The following TSPAN18 variants were observed in gnomAD, a reference collection of about 807,000 sequenced individuals.
TSPAN18 encodes the protein tetraspanin 18.
Under a neutral mutation model 27.3 loss-of-function variants are expected in TSPAN18, and 14 were observed. That is an observed-to-expected ratio of 0.51 (90% CI 0.34 to 0.80). TSPAN18 has a LOEUF of 0.80. TSPAN18 is among the 30% of genes least tolerant of loss of function. The pLI, the probability that TSPAN18 is intolerant of heterozygous loss-of-function variation, is 0.01. For synonymous variants in TSPAN18, 143 were observed against 136.5 expected, an observed-to-expected ratio of 1.05 and a Z score of -0.33; for missense variants, 268 against 323.9, an observed-to-expected ratio of 0.83 and a Z score of 1.32.
At chr11:44,875,232 G>C (rs561945970) in intron 3 of TSPAN18, among the ~76,000 whole-genome samples, 2 of 152,368 alleles carry the variant, frequency 1.3e-5, no homozygotes, top group African/African-American at 4.8e-5. Context: ...TTTCCAGAGA[G>C]CTGGTGTCCC....
intron 2 of TSPAN18, among the ~76,000 whole-genome samples, chr11:44,821,045 T>C (rs912055025): frequency 9.2e-5 from 14 of 152,198 alleles, no homozygotes; most frequent in African/African-American, 3.1e-4. Context: ...GCAATACATA[T>C]GGACTAATAC....
chr11:44,886,695 C>G (rs1858666769), intron 3 of TSPAN18: 1 of 152,208 alleles, frequency 6.6e-6, no homozygotes, highest in South Asian at 2.1e-4. Context: ...TGGGGGTTGC[C>G]TTCCTTCCTA....
intron 2 of TSPAN18, among the ~76,000 whole-genome samples, chr11:44,821,941 T>C (rs1039567291): frequency 6.6e-6 from 1 of 152,082 alleles, no homozygotes; most frequent in South Asian, 2.1e-4. Flanking sequence ...TCGACTGTCG[T>C]GGAGGAAGGG....
At chr11:44,790,394 C>G (rs539958713) in intron 2 of TSPAN18, among the ~76,000 whole-genome samples, 5 of 129,364 alleles carry the variant, frequency 3.9e-5, no homozygotes, top group African/African-American at 1.5e-4. Context: ...TGTGCATGTG[C>G]TCTTGCTTGT....
At chr11:44,926,977 G>A (rs1254894048) in intron 9 of TSPAN18, among the ~76,000 whole-genome samples, 1 of 152,178 alleles carries the variant, frequency 6.6e-6, no homozygotes, top group Non-Finnish European at 1.5e-5. Flanking sequence ...TCCCAGAAAT[G>A]GGGATGGGCA....
At chr11:44,801,947 G>A (rs1022525435) in intron 2 of TSPAN18, among the ~76,000 whole-genome samples, 2 of 152,130 alleles carry the variant, frequency 1.3e-5, no homozygotes, top group African/African-American at 4.8e-5. Flanking sequence ...TGGGAGGATT[G>A]CTTGAGCCTG....
chr11:44,816,023 C>T (rs1856812295), intron 2 of TSPAN18, among the ~76,000 whole-genome samples: 1 of 152,238 alleles, frequency 6.6e-6, no homozygotes. Flanking sequence ...AATATAAAAA[C>T]CTGAGCTCTT....
At chr11:44,727,671 C>T (rs995039294) in intron 1 of TSPAN18, among the ~76,000 whole-genome samples, 17 of 152,126 alleles carry the variant, frequency 1.1e-4, no homozygotes, top group Non-Finnish European at 1.8e-4. Flanking sequence ...GGGCTGCTCG[C>T]CACGCCACCC....
intron 1 of TSPAN18, among the ~76,000 whole-genome samples, chr11:44,761,398 G>T (rs191400352): frequency 7.2e-5 from 11 of 152,346 alleles, no homozygotes; most frequent in African/African-American, 2.4e-4. Context: ...GCAGAGAGGA[G>T]GGGACTGCAA....
chr11:44,915,407 G>A (rs1859868858), intron 5 of TSPAN18, among the ~76,000 whole-genome samples: 1 of 152,190 alleles, frequency 6.6e-6, no homozygotes, highest in Non-Finnish European at 1.5e-5. Context: ...TTGTAGGAGT[G>A]GCAGAATGGA....
In TSPAN18 at chr11:44,906,409, G is replaced by A. The variant is rs756331131; in HGVS notation, c.-8G>A. The A allele has an allele frequency of 1.2e-5, 20 of 1,614,066 alleles. No homozygotes were observed. Among genetic ancestry groups the A allele is most frequent in the East Asian group, 2.2e-5 (1 of 44,894 alleles). ...CTGAGGTGGCCTTGTATTTCTAGGT[G>A]GAGCACCATGGAAGGCGACTGTCTG... On this transcript the variant is annotated splice_region_variant and 5_prime_UTR_variant, in exon 4 of 10. Transcript: ENST00000520358.
At chr11:44,867,088 A>C (rs1858057926) in intron 3 of TSPAN18, among the ~76,000 whole-genome samples, 1 of 152,200 alleles carries the variant, frequency 6.6e-6, no homozygotes, top group South Asian at 2.1e-4. Flanking sequence ...TCAGGGTTTA[A>C]ATAGTGGTTC....
At chr11:44,834,332 T>C (rs1388090896) in intron 2 of TSPAN18, among the ~76,000 whole-genome samples, 2 of 152,100 alleles carry the variant, frequency 1.3e-5, no homozygotes, top group Non-Finnish European at 2.9e-5. Context: ...CTGCCTAAGC[T>C]GGGGCTTTTT....
intron 4 of TSPAN18, among the ~76,000 whole-genome samples, chr11:44,907,787 G>A (rs1424420636): frequency 6.6e-6 from 1 of 152,140 alleles, no homozygotes; most frequent in Non-Finnish European, 1.5e-5. Context: ...GGGTGCAGTG[G>A]CTCACATCTG....
intron 2 of TSPAN18, among the ~76,000 whole-genome samples, chr11:44,790,164 T>TGTGCATGTGTGTGTGTGC (rs1856160277): frequency 6.6e-6 from 1 of 150,526 alleles, no homozygotes; most frequent in Non-Finnish European, 1.5e-5. Flanking sequence ...TGTGTGTGTG[T>TGTGCATGTGTGTGTGTGC]GCATGTGTGT....
chr11:44,871,652 C>T (rs139610392), intron 3 of TSPAN18, among the ~76,000 whole-genome samples: 1 of 152,310 alleles, frequency 6.6e-6, no homozygotes, highest in African/African-American at 2.4e-5. Context: ...TTCATACCAC[C>T]AGCCTTCAGG....
intron 2 of TSPAN18, among the ~76,000 whole-genome samples, chr11:44,776,999 G>T (rs1308169268): frequency 6.6e-6 from 1 of 152,228 alleles, no homozygotes; most frequent in Admixed American, 6.5e-5. Flanking sequence ...TTCCTGCACT[G>T]TCTGGCACTT....
At chr11:44,865,137 ATGGCTTT>A (rs1858002254) in intron 3 of TSPAN18, among the ~76,000 whole-genome samples, 1 of 152,254 alleles carries the variant, frequency 6.6e-6, no homozygotes, top group Admixed American at 6.5e-5. Flanking sequence ...CTCAAAACAA[ATGGCTTT>A]TGAGCTGATT....
intron 5 of TSPAN18, among the ~76,000 whole-genome samples, chr11:44,913,988 A>G (rs1859815642): frequency 6.6e-6 from 1 of 152,240 alleles, no homozygotes; most frequent in South Asian, 2.1e-4. Context: ...TGTGACTGCC[A>G]TGGGCACCTC....
Sources: gnomAD v4.1 joint callset for allele counts (sites outside exome capture counted in the v4.1 genomes callset) on GRCh38, gnomAD v4.1.1 for gene constraint, MANE v1.5 for transcripts, NCBI Gene and HGNC (gene_info 2026-07-23, HGNC 2026-07-21) for gene names.